NPHS1: variants seen among roughly 807,000 people sequenced by gnomAD.
NPHS1 encodes the protein NPHS1 adhesion molecule, nephrin, also known as nephrin.
Under a neutral mutation model 139.7 loss-of-function variants are expected in NPHS1, and 107 were observed. The observed-to-expected ratio is 0.77, with a 90% CI of 0.66 to 0.90. The LOEUF is 0.90. Among genes scored for constraint, NPHS1 ranks in the 40% least tolerant of loss-of-function variants. The pLI, the probability that NPHS1 is intolerant of heterozygous loss-of-function variation, is 0.00. For missense variants in NPHS1, 1,580 were observed against 1,654.2 expected (o/e 0.96, Z 0.78); for synonymous variants, 707 against 706.6 (o/e 1.00, Z -0.01).
chr19:35,829,951 G>A (rs1257656647), intron 28 of NPHS1, among the ~76,000 whole-genome samples: 1 of 151,986 alleles, frequency 6.6e-6, no homozygotes, highest in Non-Finnish European at 1.5e-5. Context: ...GATATGAGCC[G>A]TGACCATGCC....
At chr19:35,848,012 C>T (rs1390706384) in intron 11 of NPHS1, 29 bp downstream of exon 11, 2 of 1,611,896 alleles carry the variant, frequency 1.2e-6, no homozygotes, top group South Asian at 1.1e-5. Flanking sequence ...CATTCCTGGC[C>T]ACCCCCATAG....
intron 22 of NPHS1, among the ~76,000 whole-genome samples, chr19:35,836,610 G>C (rs1972965340): frequency 6.6e-6 from 1 of 152,068 alleles, no homozygotes; most frequent in Non-Finnish European, 1.5e-5. Context: ...GAGTGGGGTG[G>C]GGGGAAGAGC....
In NPHS1 at chr19:35,845,904, CG is replaced by C. The variant is rs1973133181; in HGVS notation, c.1627+103del. 6.6e-7 allele frequency: 1 copy of C among 1,524,058 alleles called. No individual in the cohort carries two copies. The highest frequency in any genetic ancestry group is 2.4e-5 in the East Asian group (1 of 41,058). 94.4% of individuals were successfully genotyped at this position (1,524,058 alleles called of 1,614,324 possible). On this transcript the variant is annotated intron_variant, in intron 12 of 28. Transcript: ENST00000378910. This position sits in a 1 kb window ranked among gnomAD's most constrained non-coding sequence, Gnocchi z 5.5. ...CCGCCCAGTCTCGGGTCCCCCACCCCGCCTCCGCCCGCTTTCCCCGGGTCCA... is the reference window on the plus strand; with the variant it reads ...CCGCCCAGTCTCGGGTCCCCCACCCCCCTCCGCCCGCTTTCCCCGGGTCCA...
intron 28 of NPHS1, among the ~76,000 whole-genome samples, chr19:35,828,174 T>A (rs537996489): frequency 6.6e-6 from 1 of 152,326 alleles, no homozygotes; most frequent in African/African-American, 2.4e-5. Flanking sequence ...TTCAGCAAAC[T>A]TTAGAGCAGA....
At chr19:35,846,363 G>A (rs557832679) in intron 11 of NPHS1, among the ~76,000 whole-genome samples, 169 bp from the exon 12 acceptor site, 10 of 152,330 alleles carry the variant, frequency 6.6e-5, no homozygotes, top group South Asian at 4.1e-4. Context: ...GCAGTGGGGA[G>A]TGGAACTGAG....
intron 23 of NPHS1, among the ~76,000 whole-genome samples, chr19:35,833,965 G>C (rs1233019494): frequency 6.6e-6 from 1 of 152,162 alleles, no homozygotes; most frequent in Non-Finnish European, 1.5e-5. Flanking sequence ...GCCTCCCAAA[G>C]TTCCGGGATT....
In NPHS1 at chr19:35,848,766, TC is replaced by T; in HGVS notation, c.1040del (p.Gly347AspfsTer11). On this transcript the variant is annotated frameshift_variant, in exon 9 of 29. Transcript: ENST00000378910. LOFTEE classifies it high-confidence loss of function. Reference protein sequence around the residue: ...TFPPSAIIILGSASQTENKNV... With the variant: ...TFPPSAIIILXSASQTENKNV... ...TCTTGTTCTCAGTCTGGGATGCAGA[TC>T]CCAAGATAATAATGGCACTAGGGGG... The T allele has an allele frequency of 6.2e-7, 1 of 1,614,068 alleles. No homozygotes were observed. The highest frequency in any genetic ancestry group is 8.5e-7 in the Non-Finnish European group (1 of 1,180,008).
Position 35,839,482 on chromosome 19 carries a change from C to T in NPHS1, c.2927+14G>A, listed in dbSNP as rs371670899. ...TAGCCCATTCCCTTCCCTCCTGCCT[C>T]GACAAGGACCCACCTGATGCAGAAC... is the stretch of plus-strand genomic sequence containing the variant. On this transcript the variant is annotated intron_variant, in intron 21 of 28. Coordinates refer to ENST00000378910, the MANE Select transcript of NPHS1 (RefSeq NM_004646.4). 96 of 1,613,784 alleles carry T rather than the reference C, an allele frequency of 5.9e-5. 1 individual carries two copies. Among genetic ancestry groups the T allele is most frequent in the Middle Eastern group, 1.6e-4 (1 of 6,062 alleles).
chr19:35,844,760 A>G (rs564305019), intron 14 of NPHS1, among the ~76,000 whole-genome samples: 10 of 152,220 alleles, frequency 6.6e-5, no homozygotes, highest in Admixed American at 4.6e-4. Flanking sequence ...TTGGCCCAGG[A>G]CCACGGGTCA....
At chr19:35,839,963 G>C (rs1973029415) in intron 20 of NPHS1, among the ~76,000 whole-genome samples, 1 of 150,756 alleles carries the variant, frequency 6.6e-6, no homozygotes, top group Non-Finnish European at 1.5e-5. Context: ...AGACCAAATG[G>C]TTACTTCTAT....
intron 22 of NPHS1, 113 bp from the exon 23 acceptor site, chr19:35,835,874 G>A: frequency 2.3e-6 from 2 of 858,844 alleles, no homozygotes; most frequent in Non-Finnish European, 1.9e-6. Flanking sequence ...GTATATGACT[G>A]CTTAAGAATA....
In NPHS1 at chr19:35,849,115, T is replaced by A; in HGVS notation, c.873A>T (p.Thr291=). The change falls in exon 8 of 29, where the codon ACA becomes ACT. Residue 291 remains threonine, a synonymous_variant. Coordinates refer to ENST00000378910, the MANE Select transcript of NPHS1 (RefSeq NM_004646.4). ...TGCGGGCCACCGCCTGGGTGTGCTC[T>A]GTGCCCCACGCTGTGGACACCGGCT... ...NGQPVSTAWG[T]EHTQAVARSV... is the part of the protein sequence containing the mutation. The A allele has an allele frequency of 1.9e-6, 3 of 1,609,700 alleles. No individual in the cohort carries two copies. Among genetic ancestry groups the A allele is most frequent in the Non-Finnish European group, 2.5e-6 (3 of 1,180,010 alleles).
At chr19:35,834,702 T>G (rs1972931281) in intron 23 of NPHS1, among the ~76,000 whole-genome samples, 1 of 151,444 alleles carries the variant, frequency 6.6e-6, no homozygotes, top group African/African-American at 2.4e-5. Flanking sequence ...CCATCCTGGC[T>G]AACGCGGTGA....
intron 28 of NPHS1, among the ~76,000 whole-genome samples, chr19:35,830,379 G>A: frequency 6.6e-6 from 1 of 152,110 alleles, no homozygotes; most frequent in Middle Eastern, 3.2e-3. Flanking sequence ...ACTTGAGCAG[G>A]GCCACTCACG....
At chr19:35,842,328 G>C (rs780781324) in intron 18 of NPHS1, 48 bp from the exon 19 acceptor site, 1 of 1,612,468 alleles carries the variant, frequency 6.2e-7, no homozygotes, top group Admixed American at 1.7e-5. Context: ...AGACATGAGG[G>C]CTGTGGGTTC....
intron 11 of NPHS1, among the ~76,000 whole-genome samples, chr19:35,847,054 C>CTTTTCT (rs1555762888): frequency 9.3e-5 from 14 of 150,848 alleles, no homozygotes; most frequent in African/African-American, 3.4e-4. Flanking sequence ...CTTTTCTTTT[C>CTTTTCT]TTTTTTTTTG....
At position 35,847,801 on chromosome 19, in the gene NPHS1, G is replaced by T. The variant is rs189127962; in HGVS notation, c.1440+240C>A. 4.4e-5 allele frequency: 20 copies of T among 459,094 alleles called. No individual in the cohort carries two copies. The East Asian group carries it at 7.1e-4, about 16-fold the overall frequency. 28.4% of individuals were successfully genotyped at this position (459,094 alleles called of 1,614,324 possible). Reference sequence around the variant, plus strand: ...CCTTTTCTCTAGAATGCCTAATCTTGATTCAGAATTCCAATTTTTATCCTA... The same window carrying T: ...CCTTTTCTCTAGAATGCCTAATCTTTATTCAGAATTCCAATTTTTATCCTA... On this transcript the variant is annotated intron_variant, in intron 11 of 28. Transcript: ENST00000378910.
At chr19:35,834,611 G>A (rs1444113367) in intron 23 of NPHS1, among the ~76,000 whole-genome samples, 2 of 152,082 alleles carry the variant, frequency 1.3e-5, no homozygotes, top group African/African-American at 4.8e-5. Context: ...AAAAAAATTG[G>A]CCAGATGCAG....
chr19:35,834,943 A>T (rs1022707251), intron 23 of NPHS1, among the ~76,000 whole-genome samples: 4 of 151,838 alleles, frequency 2.6e-5, no homozygotes, highest in Non-Finnish European at 4.4e-5. Flanking sequence ...CATGCCTGTT[A>T]TCCCAGCACT....
Sources: allele counts gnomAD v4.1 joint callset (sites outside exome capture counted in the v4.1 genomes callset), GRCh38; gene constraint gnomAD v4.1.1; non-coding constraint Gnocchi (gnomAD v3.1); transcripts MANE v1.5; gene names NCBI Gene and HGNC (gene_info 2026-07-23, HGNC 2026-07-21).